The following PPP4R4 variants were observed in gnomAD, a reference collection of about 807,000 sequenced individuals.
PPP4R4 encodes serine/threonine-protein phosphatase 4 regulatory subunit 4.
PPP4R4 carries 70 observed loss-of-function variants against 121.8 expected under a neutral mutation model. The observed-to-expected ratio is 0.57, with a 90% confidence interval of 0.47 to 0.70. PPP4R4 has a LOEUF of 0.70. Ranked by LOEUF, PPP4R4 falls within the 30% of genes least tolerant of loss-of-function variation. The pLI is 0.00. For synonymous variants in PPP4R4, 348 were observed against 355.7 expected, an observed-to-expected ratio of 0.98 and a Z score of 0.24; for missense variants, 875 against 1,033.6, an observed-to-expected ratio of 0.85 and a Z score of 2.10.
chr14:94,192,535 G>T (rs1889656778), intron 2 of PPP4R4, among the ~76,000 whole-genome samples: 1 of 152,138 alleles, frequency 6.6e-6, no homozygotes, highest in South Asian at 2.1e-4. Flanking sequence ...TCAAAGCAAG[G>T]CTTTGTGGCA....
chr14:94,199,686 G>A (rs565184475), intron 2 of PPP4R4, among the ~76,000 whole-genome samples: 1 of 152,154 alleles, frequency 6.6e-6, no homozygotes, highest in African/African-American at 2.4e-5. Flanking sequence ...CTGGAGTCGG[G>A]CTGCTTAGCA....
At chr14:94,196,309 G>GTT (rs5810663) in intron 2 of PPP4R4, among the ~76,000 whole-genome samples, 6,224 of 88,472 alleles carry the variant, frequency 0.07, 567 homozygotes, top group Non-Finnish European at 0.088. Flanking sequence ...TCTTTCAAAG[G>GTT]TTTTTTTTTT....
intron 2 of PPP4R4, among the ~76,000 whole-genome samples, chr14:94,194,013 G>A (rs1254946405): frequency 1.3e-5 from 2 of 152,146 alleles, no homozygotes; most frequent in Non-Finnish European, 2.9e-5. Flanking sequence ...CAGAAGCTGG[G>A]ACAACAAGAA....
chr14:94,224,755 G>T (rs557632543), intron 3 of PPP4R4, among the ~76,000 whole-genome samples: 1 of 152,096 alleles, frequency 6.6e-6, no homozygotes, highest in Non-Finnish European at 1.5e-5. Context: ...ACTCTGAACA[G>T]GTCTGCCAAT....
intron 3 of PPP4R4, 68 bp downstream of exon 3, chr14:94,208,634 G>T (rs1335155450): frequency 4.8e-6 from 6 of 1,255,104 alleles, no homozygotes; most frequent in Non-Finnish European, 6.7e-6. Flanking sequence ...ATTGTTGAAA[G>T]GATTTTGGAG....
chr14:94,242,328 G>A lies in PPP4R4; in HGVS notation c.1186G>A (p.Glu396Lys). The A allele has an allele frequency of 6.2e-7, 1 of 1,609,526 alleles. No homozygotes were observed. Among genetic ancestry groups the A allele is most frequent in the Non-Finnish European group, 8.5e-7 (1 of 1,176,228 alleles). ...TGTTGATCCTAAAAACTTCCACATG[G>A]AACTCTATTCTACATTCTTCTGCCT... ...VFVDPKNFHMELYSTFFCLCH... is the reference protein window; with the variant it reads ...VFVDPKNFHMKLYSTFFCLCH... The change falls in exon 11 of 25, where the codon GAA (glutamate) becomes AAA (lysine). Residue 396 changes from glutamate (E) to lysine (K), a missense_variant. Physicochemically the swap from Glu to Lys is moderately conservative, Grantham distance 56. Coordinates refer to ENST00000304338, the MANE Select transcript of PPP4R4 (RefSeq NM_058237.2).
chr14:94,247,375 C>T (rs1892950740), intron 14 of PPP4R4, among the ~76,000 whole-genome samples: 1 of 152,250 alleles, frequency 6.6e-6, no homozygotes, highest in Non-Finnish European at 1.5e-5. Flanking sequence ...GCTGAAAACC[C>T]TGGGCTGCAT....
At chr14:94,248,441 C>T (rs1357386104) in intron 14 of PPP4R4, among the ~76,000 whole-genome samples, 1 of 152,176 alleles carries the variant, frequency 6.6e-6, no homozygotes, top group Non-Finnish European at 1.5e-5. Context: ...ATTCCTTACT[C>T]ATGGATTAGA....
At chr14:94,233,810 T>C in intron 6 of PPP4R4, 51 bp downstream of exon 6, 3 of 1,140,810 alleles carry the variant, frequency 2.6e-6, no homozygotes, top group Non-Finnish European at 3.9e-6. Context: ...TCGTTTAAAA[T>C]GTATAATGAC....
At chr14:94,194,552 T>C (rs1404195177) in intron 2 of PPP4R4, among the ~76,000 whole-genome samples, 1 of 152,228 alleles carries the variant, frequency 6.6e-6, no homozygotes, top group Non-Finnish European at 1.5e-5. Context: ...TGAAATCCTG[T>C]ATGCCATTTT....
chr14:94,180,113 C>T (rs557950894), intron 2 of PPP4R4, among the ~76,000 whole-genome samples: 1 of 152,236 alleles, frequency 6.6e-6, no homozygotes, highest in South Asian at 2.1e-4. Flanking sequence ...GCACCTGGCA[C>T]ATAATAGGCA....
In PPP4R4 at chr14:94,241,779, T is replaced by C; in HGVS notation, c.977-9T>C. 1.3e-6 allele frequency: 2 copies of C among 1,531,084 alleles called. No homozygotes were observed. The highest frequency in any genetic ancestry group is 1.7e-6 in the Non-Finnish European group (2 of 1,143,164). The allele number at this position is 1,531,084 out of a possible 1,614,324, so 94.8% of individuals were successfully genotyped here. On this transcript the variant is annotated splice_polypyrimidine_tract_variant and intron_variant, in intron 9 of 24. Coordinates refer to ENST00000304338, the MANE Select transcript of PPP4R4 (RefSeq NM_058237.2). ...GAAATGTTGAGCTAGTTTTTTATAT[T>C]TGTTTTAGGAATTTTCACTCCAGAT... is the stretch of plus-strand genomic sequence containing the variant.
rs555023719 is a variant in PPP4R4, at chr14:94,251,034, A to G, written c.1718-715A>G. 3.3e-5 allele frequency among the ~76,000 whole-genome samples: 5 copies of G among 152,120 alleles called. No individual in the cohort carries two copies. The South Asian group carries it at 1.0e-3, about 31-fold the overall frequency. ...ATTTAAGAAAAAATATGCTCAGTAT[A>G]CTTTAATCTTTCTTTTTATAGTCTT... On this transcript the variant is annotated intron_variant, in intron 15 of 24. Transcript: ENST00000304338.
chr14:94,212,882 A>G (rs1332294048), intron 3 of PPP4R4, among the ~76,000 whole-genome samples: 1 of 152,234 alleles, frequency 6.6e-6, no homozygotes, highest in South Asian at 2.1e-4. Flanking sequence ...ATCCAATGCA[A>G]AAAACACTCT....
chr14:94,176,408 GGTTTTTC>G, intron 2 of PPP4R4, among the ~76,000 whole-genome samples: 1 of 152,074 alleles, frequency 6.6e-6, no homozygotes, highest in African/African-American at 2.4e-5. Context: ...TTCTGGCTTT[GGTTTTTC>G]TCGCGTAAGA....
intron 3 of PPP4R4, chr14:94,227,862 T>C (rs1351357285): frequency 8.1e-6 from 8 of 985,560 alleles, no homozygotes; most frequent in Non-Finnish European, 8.4e-6. Context: ...AAGTGATGTA[T>C]ACTGGCCACA....
intron 3 of PPP4R4, among the ~76,000 whole-genome samples, chr14:94,219,356 G>A (rs555214850): frequency 2.0e-5 from 3 of 152,168 alleles, no homozygotes; most frequent in African/African-American, 7.2e-5. Context: ...GTGAGCTACC[G>A]TGCCTGGCTG....
intron 2 of PPP4R4, among the ~76,000 whole-genome samples, chr14:94,188,603 A>G (rs753885569): frequency 1.3e-5 from 2 of 152,176 alleles, no homozygotes; most frequent in Non-Finnish European, 2.9e-5. Flanking sequence ...ACACACTTAT[A>G]TAAACATTTA....
chr14:94,176,135 CT>C lies in PPP4R4; in HGVS notation c.191+9del. The stretch of plus-strand genomic sequence containing the variant: ...GGCTGTTTATCTGCTCAGGTATTTC[CT>C]AGTCTTTCTGTGAAATTGCTCTTCT... On this transcript the variant is annotated intron_variant, in intron 2 of 24. Coordinates refer to ENST00000304338, the MANE Select transcript of PPP4R4 (RefSeq NM_058237.2). 1 of 1,596,398 alleles carries C rather than the reference CT, an allele frequency of 6.3e-7. No homozygotes were observed. The highest frequency in any genetic ancestry group is 8.6e-7 in the Non-Finnish European group (1 of 1,163,910).
Sources: allele counts gnomAD v4.1 joint callset (sites outside exome capture counted in the v4.1 genomes callset), GRCh38; gene constraint gnomAD v4.1.1; transcripts MANE v1.5; gene names NCBI Gene and HGNC (gene_info 2026-07-23, HGNC 2026-07-21).